The following LRRC45 variants were observed in gnomAD, a reference collection of about 807,000 sequenced individuals.
The protein encoded by LRRC45 is leucine-rich repeat-containing protein 45.
Under a neutral mutation model 85.4 loss-of-function variants are expected in LRRC45, and 73 were observed. The ratio of observed to expected loss-of-function variants is 0.85; its 90% CI spans 0.71 to 1.04. The LOEUF is 1.04. LRRC45 is among the 50% of genes least tolerant of loss of function. LRRC45 has a pLI of 0.00. For missense variants in LRRC45, 937 were observed against 883.3 expected, an observed-to-expected ratio of 1.06 and a Z score of -0.77; for synonymous variants, 429 against 386.0, an observed-to-expected ratio of 1.11 and a Z score of -1.31.
intron 12 of LRRC45, 33 bp downstream of exon 12, chr17:82,028,716 G>T: frequency 6.3e-7 from 1 of 1,589,638 alleles, no homozygotes; most frequent in East Asian, 2.3e-5. Context: ...ATGCGCCTCA[G>T]TCTCTGGTCT....
At position 82,027,418 on chromosome 17, in the gene LRRC45, G is replaced by A. The variant is rs372860535; in HGVS notation, c.807G>A (p.Gln269=). 6.2e-7 allele frequency: 1 copy of A among 1,612,742 alleles called. No homozygotes were observed. The highest frequency in any genetic ancestry group is 2.2e-5 in the East Asian group (1 of 44,888). ...FLDLMETIDK[Q]REEMAKSSRA... ...ACTTGATGGAGACTATTGATAAGCA[G>A]CGAGAAGAGATGGCCAAGAGCAGCA... The change falls in exon 7 of 17, where the codon CAG becomes CAA. Residue 269 remains glutamine (Q), a synonymous_variant. Coordinates refer to ENST00000306688, the MANE Select transcript of LRRC45 (RefSeq NM_144999.4).
Position 82,031,057 on chromosome 17 carries a change from C to T in LRRC45, c.*252C>T, listed in dbSNP as rs924559664. On this transcript the variant is annotated 3_prime_UTR_variant, in exon 17 of 17. Transcript: ENST00000306688. ...ACACCGGGAAGGGGTCCCGCGGGCG[C>T]GTCTCCCCCTCGCCTTTTGCGATGT... The T allele has an allele frequency of 2.3e-5, 9 of 387,546 alleles. No individual in the cohort carries two copies. Among genetic ancestry groups the T allele is most frequent in the Non-Finnish European group, 3.6e-5 (8 of 219,268 alleles). The allele number at this position is 387,546 out of a possible 1,614,324, so 24.0% of individuals were successfully genotyped here. A position where few individuals can be genotyped will look rare whatever the true frequency, so the allele number is the denominator to read the frequency against.
At chr17:82,028,919 C>T (rs1289925448) in intron 12 of LRRC45, 174 bp from the exon 13 acceptor site, 3 of 719,410 alleles carry the variant, frequency 4.2e-6, no homozygotes, top group Admixed American at 2.7e-5. Flanking sequence ...CCAAGGCCCA[C>T]TCGTTCAGGG....
Position 82,028,329 on chromosome 17 carries a change from A to G in LRRC45, c.1125+18A>G. The G allele has an allele frequency of 6.2e-7, 1 of 1,601,620 alleles. No homozygotes were observed. Among genetic ancestry groups the G allele is most frequent in the Non-Finnish European group, 8.5e-7 (1 of 1,175,156 alleles). On this transcript the variant is annotated intron_variant, in intron 10 of 16. Transcript: ENST00000306688. ...AAAACCAGGTAGCTGTGGTGGATGG[A>G]GCCAGGGAGCCCAGGGTGGGCGCGG...
Position 82,023,420 on chromosome 17 carries a change from TGGTCCCCAAG to T in LRRC45, c.-223_-214del. 1 of 523,468 alleles carries T rather than the reference TGGTCCCCAAG, an allele frequency of 1.9e-6. No homozygotes were observed. Among genetic ancestry groups the T allele is most frequent in the Non-Finnish European group, 3.3e-6 (1 of 299,220 alleles). The allele number at this position is 523,468 out of a possible 1,614,324, so 32.4% of individuals were successfully genotyped here. The stretch of plus-strand genomic sequence containing the variant: ...CGCACCTGCCTGCTTCCTGCACGGG[TGGTCCCCAAG>T]CACTGCGGGGCCCCAGCCCAAAGCG... On this transcript the variant is annotated 5_prime_UTR_variant, in exon 1 of 17. Coordinates refer to ENST00000306688, the MANE Select transcript of LRRC45 (RefSeq NM_144999.4).
chr17:82,030,058 C>T lies in LRRC45; in HGVS notation c.1495-7C>T. ...CTCATGCTTCGTGGCGGCCCCTGTG[C>T]TCACAGCAACAGCGCCTGGCTCACC... On this transcript the variant is annotated splice_polypyrimidine_tract_variant and splice_region_variant and intron_variant, in intron 14 of 16. Transcript: ENST00000306688. 7.8e-6 allele frequency: 12 copies of T among 1,542,136 alleles called. No individual in the cohort carries two copies. The highest frequency in any genetic ancestry group is 1.0e-5 in the Non-Finnish European group (12 of 1,146,410).
At position 82,025,527 on chromosome 17, in the gene LRRC45, G is replaced by A; in HGVS notation, c.661+20G>A. On this transcript the variant is annotated intron_variant, in intron 5 of 16. Transcript: ENST00000306688. ...CCGTGGGTACGGTGCAGGGCTGTGT[G>A]GAGTGACGCGTGAGCCTTTGACAGA... 6.5e-7 allele frequency: 1 copy of A among 1,540,252 alleles called. No individual in the cohort carries two copies. Among genetic ancestry groups the A allele is most frequent in the African/African-American group, 1.4e-5 (1 of 72,640 alleles).
chr17:82,027,472 T>G (rs751977097), intron 7 of LRRC45, 28 bp downstream of exon 7: 2 of 1,612,110 alleles, frequency 1.2e-6, no homozygotes, highest in Non-Finnish European at 8.5e-7. Context: ...AGGGGCAGGG[T>G]GAGGCTTCAG....
intron 5 of LRRC45, 170 bp from the exon 6 acceptor site, chr17:82,026,729 C>T: frequency 2.0e-6 from 1 of 499,098 alleles, no homozygotes; most frequent in Non-Finnish European, 3.8e-6. Context: ...CAGGTGTGCG[C>T]TACCATGCCC....
At position 82,030,940 on chromosome 17, in the gene LRRC45, G is replaced by A. The variant is rs2043416305; in HGVS notation, c.*135G>A. The A allele has an allele frequency of 1.1e-5, 7 of 652,802 alleles. No homozygotes were observed. The East Asian group carries it at 2.1e-4, about 19-fold the overall frequency. 40.4% of individuals were successfully genotyped at this position (652,802 alleles called of 1,614,324 possible). Reference sequence around the variant, plus strand: ...CCACGCGGCGGTTGCGGCGACTGTTGGTGGTGTCGCGGCTGCGGGGGAACC... The same window carrying A: ...CCACGCGGCGGTTGCGGCGACTGTTAGTGGTGTCGCGGCTGCGGGGGAACC... On this transcript the variant is annotated 3_prime_UTR_variant, in exon 17 of 17. Transcript: ENST00000306688.
intron 4 of LRRC45, 100 bp downstream of exon 4, chr17:82,025,278 T>C: frequency 6.6e-7 from 1 of 1,526,432 alleles, no homozygotes; most frequent in Non-Finnish European, 8.8e-7. Flanking sequence ...TCCTGCTCTG[T>C]TGATGACTGC....
rs539171617 is a variant in LRRC45, at chr17:82,030,459, G to C, written c.1809G>C (p.Gln603His). The C allele has an allele frequency of 1.3e-6, 2 of 1,544,306 alleles. No individual in the cohort carries two copies. The highest frequency in any genetic ancestry group is 2.7e-5 in the African/African-American group (2 of 73,078). ...LREKAAALERQLKVMASDHRE... is the reference protein window; with the variant it reads ...LREKAAALERHLKVMASDHRE... ...AGAAGGCGGCGGCCCTGGAGCGCCA[G>C]CTGAAAGGTGAGCCAGACCCTTGTC... Residue 603 changes from glutamine to histidine, a missense_variant, in exon 16 of 17, where the codon CAG becomes CAC. Physicochemically the swap from Gln to His is conservative, Grantham distance 24. Coordinates refer to ENST00000306688, the MANE Select transcript of LRRC45 (RefSeq NM_144999.4).
intron 14 of LRRC45, 46 bp downstream of exon 14, chr17:82,029,681 G>A (rs763087325): frequency 8.3e-5 from 127 of 1,524,180 alleles, no homozygotes; most frequent in Admixed American, 3.1e-4. Flanking sequence ...CAGGCTGCCC[G>A]GCATTGCGGC....
intron 1 of LRRC45, 170 bp downstream of exon 1, chr17:82,024,033 C>A (rs1011644880): frequency 3.5e-5 from 25 of 720,658 alleles, no homozygotes; most frequent in Non-Finnish European, 5.2e-5. Context: ...CTCTGTATGA[C>A]GGGGGAGAGG....
chr17:82,029,345 TA>T, intron 13 of LRRC45, 160 bp downstream of exon 13: 1 of 890,198 alleles, frequency 1.1e-6, no homozygotes, highest in Non-Finnish European at 1.7e-6. Flanking sequence ...CCCAAGAAGC[TA>T]AAGGGACTTA....
At chr17:82,030,265 C>T in intron 15 of LRRC45, 27 bp downstream of exon 15, 4 of 1,535,188 alleles carry the variant, frequency 2.6e-6, no homozygotes, top group Non-Finnish European at 3.5e-6. Context: ...TGGGGGGCCC[C>T]GGGCGTGCTA....
intron 6 of LRRC45, 33 bp from the exon 7 acceptor site, chr17:82,027,353 C>G (rs1214653397): frequency 6.2e-7 from 1 of 1,611,590 alleles, no homozygotes; most frequent in Non-Finnish European, 8.5e-7. Flanking sequence ...GCTGCAGGTG[C>G]CCTGACAGGG....
In LRRC45 at chr17:82,024,273, C is replaced by T. The variant is rs558139324; in HGVS notation, c.221-5C>T. 35 of 1,611,798 alleles carry T rather than the reference C, an allele frequency of 2.2e-5. No individual in the cohort carries two copies. The South Asian group carries it at 3.6e-4, about 17-fold the overall frequency. Reference sequence around the variant, plus strand: ...AGAGAGTGACCGCCGGCCCCCCTTACACAGGGGCCACACTGCTGCTCCGAG... The same window carrying T: ...AGAGAGTGACCGCCGGCCCCCCTTATACAGGGGCCACACTGCTGCTCCGAG... On this transcript the variant is annotated splice_region_variant and splice_polypyrimidine_tract_variant and intron_variant, in intron 1 of 16. Coordinates refer to ENST00000306688, the MANE Select transcript of LRRC45 (RefSeq NM_144999.4).
chr17:82,028,054 G>A lies in LRRC45; in HGVS notation c.955G>A (p.Ala319Thr). The change falls in exon 9 of 17, where the codon GCC becomes ACC. Residue 319 changes from alanine (A) to threonine (T), a missense_variant. Physicochemically the swap from Ala to Thr is moderately conservative, Grantham distance 58 (BLOSUM62 0). Transcript: ENST00000306688. ...EAALALSEQK[A>T]QDLGELLATA... ...CGCCCTGGCTCTGTCGGAGCAGAAG[G>A]CCCAGGACCTGGGGGAGCTCCTGGC... 2 of 1,605,412 alleles carry A rather than the reference G, an allele frequency of 1.2e-6. No individual in the cohort carries two copies. The highest frequency in any genetic ancestry group is 1.7e-6 in the Non-Finnish European group (2 of 1,177,554).
Sources: gnomAD v4.1 joint callset for allele counts on GRCh38, gnomAD v4.1.1 for gene constraint, MANE v1.5 for transcripts, NCBI Gene and HGNC (gene_info 2026-07-23, HGNC 2026-07-21) for gene names.